The following INPP5J variants were observed in gnomAD, a reference collection of about 807,000 sequenced individuals.
INPP5J encodes the protein inositol polyphosphate-5-phosphatase J, also known as phosphatidylinositol 4,5-bisphosphate 5-phosphatase A.
Under a neutral mutation model 86.6 loss-of-function variants are expected in INPP5J, and 75 were observed. The ratio of observed to expected loss-of-function variants is 0.87; its 90% CI spans 0.72 to 1.05. The LOEUF (loss-of-function observed/expected upper bound fraction) is 1.05, where lower values mean the gene tolerates loss of function less well. INPP5J is among the 50% of genes least tolerant of loss of function. The probability of loss-of-function intolerance (pLI) is 0.00; values close to 1 mark genes in which losing one functional copy is unlikely to be tolerated. For missense variants in INPP5J, 1,229 were observed against 1,341.2 expected, an observed-to-expected ratio of 0.92 and a Z score of 1.31; for synonymous variants, 540 against 550.0, an observed-to-expected ratio of 0.98 and a Z score of 0.25.
chr22:31,126,013 G>A lies in INPP5J; in HGVS notation c.1271+3G>A, dbSNP rs774386385. 1.9e-6 allele frequency: 3 copies of A among 1,555,756 alleles called. No homozygotes were observed. Among genetic ancestry groups the A allele is most frequent in the African/African-American group, 1.4e-5 (1 of 73,798 alleles). On this transcript the variant is annotated splice_donor_region_variant and intron_variant, in intron 2 of 12. Transcript: ENST00000331075. The stretch of plus-strand genomic sequence containing the variant: ...TGGAAGAGCGACCCCGGCTTCCGGT[G>A]AGGGGGCCCTCTCCCAAGAAAGGTG...
chr22:31,126,110 G>C (rs1921392973), intron 2 of INPP5J, 100 bp downstream of exon 2: 2 of 1,203,228 alleles, frequency 1.7e-6, no homozygotes, highest in Admixed American at 2.8e-5. Context: ...TTCTCTCTCT[G>C]AGGAAGAGTC....
chr22:31,123,125 AC>A lies in INPP5J; in HGVS notation c.105+10del. 6.8e-7 allele frequency: 1 copy of A among 1,462,236 alleles called. No individual in the cohort carries two copies. Among genetic ancestry groups the A allele is most frequent in the African/African-American group, 1.5e-5 (1 of 66,860 alleles). 90.6% of individuals were successfully genotyped at this position (1,462,236 alleles called of 1,614,324 possible). ...AAACTGGGGCACCCTCCAAGGTAAG[AC>A]CCCTGAGACCCAGTGCCCCCCGCTT... On this transcript the variant is annotated splice_region_variant and intron_variant, in intron 1 of 12. Coordinates refer to ENST00000331075, the MANE Select transcript of INPP5J (RefSeq NM_001284285.2).
Position 31,125,307 on chromosome 22 carries a change from G to A in INPP5J, c.568G>A (p.Ala190Thr), listed in dbSNP as rs1432665680. ...AGCCTCTGGCCTGAGCCTGGCCCTG[G>A]CTTCTGAGGAGCAGCCCCCAGAACT... ...LAASGLSLAL[A>T]SEEQPPELPS... is the part of the protein sequence containing the mutation. Residue 190 changes from alanine (A) to threonine (T), a missense_variant, in exon 2 of 13, where the codon GCT becomes ACT. Coordinates refer to ENST00000331075, the MANE Select transcript of INPP5J (RefSeq NM_001284285.2). 1.9e-6 allele frequency: 3 copies of A among 1,550,454 alleles called. No homozygotes were observed. The highest frequency in any genetic ancestry group is 1.7e-6 in the Non-Finnish European group (2 of 1,146,968).
rs1460473805 is a variant in INPP5J at position 31,128,311 on chromosome 22, A to G, written c.1997A>G (p.Lys666Arg). The G allele has an allele frequency of 6.3e-7, 1 of 1,594,154 alleles. No individual in the cohort carries two copies. Among genetic ancestry groups the G allele is most frequent in the South Asian group, 1.1e-5 (1 of 88,200 alleles). ...TTCAAGTTTGATGTGGGTACCAACA[A>G]ATACGATACCAGGTGAGCTCAGTCC... The part of the protein sequence containing the change: ...PTFKFDVGTN[K>R]YDTSAKKRKP... Residue 666 changes from lysine to arginine, a missense_variant, in exon 8 of 13, where the codon AAA becomes AGA. Lys to Arg is a conservative substitution (Grantham distance 26). Transcript: ENST00000331075.
rs1209463383 is a variant in INPP5J at position 31,134,034 on chromosome 22, G to A, written c.2636G>A (p.Gly879Asp). The change falls in exon 13 of 13, where the codon GGC (glycine) becomes GAC (aspartate). Residue 879 changes from glycine to aspartate, a missense_variant. By Grantham distance (94) the Gly-to-Asp change is moderately conservative. Coordinates refer to ENST00000331075, the MANE Select transcript of INPP5J (RefSeq NM_001284285.2). ...CCCAAGTCCCGCAGCCCCAGTCCTG[G>A]CAAGTCCAAGCGACACCGCAGCCGC... ...LAPKSRSPSP[G>D]KSKRHRSRSP... 5.0e-6 allele frequency: 8 copies of A among 1,602,746 alleles called. No homozygotes were observed. The South Asian group carries it at 9.0e-5, about 18-fold the overall frequency.
intron 4 of INPP5J, 26 bp from the exon 5 acceptor site, chr22:31,126,895 C>T (rs1921521128): frequency 1.9e-6 from 3 of 1,564,152 alleles, no homozygotes; most frequent in Non-Finnish European, 2.6e-6. Flanking sequence ...TGTTCTGTCC[C>T]CCAGCCACGT....
chr22:31,127,171 A>G (rs368476813), intron 5 of INPP5J, 134 bp downstream of exon 5: 1 of 664,408 alleles, frequency 1.5e-6, no homozygotes, highest in Non-Finnish European at 2.4e-6. Context: ...CCCATGCACC[A>G]CCCAATACCC....
In INPP5J at chr22:31,128,326, G is replaced by A. The variant is rs1165695090; in HGVS notation, c.2009+3G>A. 3 of 1,588,374 alleles carry A rather than the reference G, an allele frequency of 1.9e-6. No individual in the cohort carries two copies. Among genetic ancestry groups the A allele is most frequent in the African/African-American group, 1.3e-5 (1 of 74,366 alleles). ...GGTACCAACAAATACGATACCAGGT[G>A]AGCTCAGTCCGAGGAGGGACTGAGG... On this transcript the variant is annotated splice_donor_region_variant and intron_variant, in intron 8 of 12. Coordinates refer to ENST00000331075, the MANE Select transcript of INPP5J (RefSeq NM_001284285.2).
chr22:31,132,753 A>T (rs1031282220), intron 9 of INPP5J, among the ~76,000 whole-genome samples: 4 of 151,938 alleles, frequency 2.6e-5, no homozygotes, highest in Admixed American at 2.0e-4. Flanking sequence ...AAAGAAAAAA[A>T]AAAAAAAGAG....
At chr22:31,127,134 C>G in intron 5 of INPP5J, 97 bp downstream of exon 5, 1 of 913,570 alleles carries the variant, frequency 1.1e-6, no homozygotes, top group Non-Finnish European at 1.7e-6. Flanking sequence ...TTCCCATCCT[C>G]CACCCTTTAC....
intron 10 of INPP5J, 24 bp from the exon 11 acceptor site, chr22:31,133,382 G>T: frequency 6.2e-7 from 1 of 1,612,548 alleles, no homozygotes; most frequent in South Asian, 1.1e-5. Flanking sequence ...TCACAACACT[G>T]ATTCCACAAC....
chr22:31,134,472 G>A lies in INPP5J; in HGVS notation c.*53G>A, dbSNP rs938986606. 1 of 1,415,982 alleles carries A rather than the reference G, an allele frequency of 7.1e-7. No homozygotes were observed. Among genetic ancestry groups the A allele is most frequent in the African/African-American group, 1.4e-5 (1 of 69,452 alleles). The allele number at this position is 1,415,982 out of a possible 1,614,324, so 87.7% of individuals were successfully genotyped here. A position where few individuals can be genotyped will look rare whatever the true frequency, so the allele number is the denominator to read the frequency against. On this transcript the variant is annotated 3_prime_UTR_variant, in exon 13 of 13. Transcript: ENST00000331075. ...GACCACCATTCTGCCTCAATCTTTT[G>A]CAAGCCCACCTGCCTCTCTCCTGCT... is the stretch of plus-strand genomic sequence containing the variant.
chr22:31,123,010 C>A lies in INPP5J; in HGVS notation c.-5C>A. The A allele has an allele frequency of 6.9e-7, 1 of 1,440,312 alleles. No homozygotes were observed. Among genetic ancestry groups the A allele is most frequent in the South Asian group, 1.4e-5 (1 of 69,804 alleles). 89.2% of individuals were successfully genotyped at this position (1,440,312 alleles called of 1,614,324 possible). ...AGGGAGTCCAGGCTGCCGGGGGCTGCAGACATGGAGGGCCAGAGCAGCAGG... is the reference window on the plus strand; with the variant it reads ...AGGGAGTCCAGGCTGCCGGGGGCTGAAGACATGGAGGGCCAGAGCAGCAGG... On this transcript the variant is annotated 5_prime_UTR_variant, in exon 1 of 13. Coordinates refer to ENST00000331075, the MANE Select transcript of INPP5J (RefSeq NM_001284285.2).
chr22:31,131,905 C>T (rs1172861745), intron 9 of INPP5J, among the ~76,000 whole-genome samples: 1 of 152,100 alleles, frequency 6.6e-6, no homozygotes, highest in Non-Finnish European at 1.5e-5. Flanking sequence ...GGGAGGGAAA[C>T]CTGAAACTAG....
chr22:31,125,723 G>A lies in INPP5J; in HGVS notation c.984G>A (p.Arg328=). ...HSPGLLSPTF[R]PGAPSGQTVP... Reference sequence around the variant, plus strand: ...CTGGACTTCTGTCCCCCACCTTCCGGCCTGGGGCCCCCTCAGGCCAGACTG... The same window carrying A: ...CTGGACTTCTGTCCCCCACCTTCCGACCTGGGGCCCCCTCAGGCCAGACTG... The change falls in exon 2 of 13, where the codon CGG becomes CGA. Residue 328 remains arginine, a synonymous_variant. Coordinates refer to ENST00000331075, the MANE Select transcript of INPP5J (RefSeq NM_001284285.2). 1.3e-6 allele frequency: 2 copies of A among 1,550,738 alleles called. No individual in the cohort carries two copies. Among genetic ancestry groups the A allele is most frequent in the Non-Finnish European group, 8.7e-7 (1 of 1,146,646 alleles).
Position 31,124,912 on chromosome 22 carries a change from C to G in INPP5J, c.173C>G (p.Ala58Gly). 10 of 1,613,886 alleles carry G rather than the reference C, an allele frequency of 6.2e-6. No homozygotes were observed. The highest frequency in any genetic ancestry group is 8.5e-6 in the Non-Finnish European group (10 of 1,179,836). ...CTAGGACCCTCGGAACCAAGGTTGG[C>G]TCTGGCACCTGTAGGGCCACGGGCA... The part of the protein sequence containing the change: ...AALGPSEPRL[A>G]LAPVGPRAAM... The change falls in exon 2 of 13, where the codon GCT becomes GGT. Residue 58 changes from alanine (A) to glycine (G), a missense_variant. By Grantham distance (60) the Ala-to-Gly change is moderately conservative. Transcript: ENST00000331075.
chr22:31,126,055 G>A, intron 2 of INPP5J, 45 bp downstream of exon 2: 1 of 1,482,482 alleles, frequency 6.7e-7, no homozygotes, highest in Non-Finnish European at 9.0e-7. Context: ...GCTTAGCTCT[G>A]AGGTTAGCCA....
chr22:31,126,790 C>A, intron 4 of INPP5J, 69 bp downstream of exon 4: 1 of 1,495,398 alleles, frequency 6.7e-7, no homozygotes, highest in Non-Finnish European at 9.3e-7. Flanking sequence ...TGTACCCTGG[C>A]TCACTGTGGG....
At chr22:31,133,760 T>C (rs757735412) in intron 12 of INPP5J, 46 bp downstream of exon 12, 1 of 1,576,354 alleles carries the variant, frequency 6.3e-7, no homozygotes, top group South Asian at 1.1e-5. Context: ...AAGACTTTTG[T>C]CAAATGCCAC....
Sources: allele counts gnomAD v4.1 joint callset (sites outside exome capture counted in the v4.1 genomes callset), GRCh38; gene constraint gnomAD v4.1.1; transcripts MANE v1.5; gene names NCBI Gene and HGNC (gene_info 2026-07-23, HGNC 2026-07-21).